Variants in AOPEP observed in about 807,000 individuals in gnomAD.
AOPEP encodes aminopeptidase O.
Under a neutral mutation model 98.1 loss-of-function variants are expected in AOPEP, and 77 were observed. The observed-to-expected ratio is 0.78, with a 90% confidence interval of 0.65 to 0.95. AOPEP has a LOEUF of 0.95. Ranked by LOEUF, AOPEP falls within the 40% of genes least tolerant of loss-of-function variation. The pLI is 0.00. For missense variants in AOPEP, 1,024 were observed against 1,024.7 expected, an observed-to-expected ratio of 1.00 and a Z score of 0.01; for synonymous variants, 346 against 365.3, an observed-to-expected ratio of 0.95 and a Z score of 0.60.
chr9:94,909,642 T>A (rs2051716365), intron 5 of AOPEP, among the ~76,000 whole-genome samples: 1 of 152,066 alleles, frequency 6.6e-6, no homozygotes, highest in South Asian at 2.1e-4. Flanking sequence ...GTGTGTGACG[T>A]CCATCTCAAA....
intron 16 of AOPEP, among the ~76,000 whole-genome samples, chr9:95,084,129 A>C (rs1005738355): frequency 1.3e-5 from 2 of 152,114 alleles, no homozygotes; most frequent in Non-Finnish European, 2.9e-5. Context: ...AACTTTATCA[A>C]ATCTGAAGCA....
At chr9:94,751,782 CA>C (rs1468805667) in intron 1 of AOPEP, among the ~76,000 whole-genome samples, 3 of 150,340 alleles carry the variant, frequency 2.0e-5, no homozygotes, top group Non-Finnish European at 3.0e-5. Context: ...ATTTTAGATC[CA>C]GGGGGTCCAT....
chr9:94,836,967 A>G (rs2041683743), intron 5 of AOPEP, among the ~76,000 whole-genome samples: 1 of 152,170 alleles, frequency 6.6e-6, no homozygotes, highest in Admixed American at 6.5e-5. Flanking sequence ...AAATGAAACA[A>G]AAGCTGGTTC....
chr9:94,992,540 T>C (rs1298587730), intron 11 of AOPEP, among the ~76,000 whole-genome samples: 3 of 152,230 alleles, frequency 2.0e-5, no homozygotes, highest in African/African-American at 7.2e-5. Context: ...TCCATGTTTT[T>C]TTCACAGAGT....
chr9:95,055,034 A>G (rs2066704544), intron 13 of AOPEP, among the ~76,000 whole-genome samples: 1 of 152,248 alleles, frequency 6.6e-6, no homozygotes, highest in Non-Finnish European at 1.5e-5. Context: ...GCTTCAACAT[A>G]TAAAGGTTTT....
At chr9:95,098,769 T>C in the AOPEP span, among the ~76,000 whole-genome samples, 4 of 152,216 alleles carry the variant, frequency 2.6e-5, no homozygotes, top group African/African-American at 9.6e-5. Context: ...CAAGTGAGGC[T>C]TATGGTCAAG....
chr9:94,883,667 A>C (rs2047855461), intron 5 of AOPEP, among the ~76,000 whole-genome samples: 1 of 152,250 alleles, frequency 6.6e-6, no homozygotes, highest in African/African-American at 2.4e-5. Flanking sequence ...AGTATAGATC[A>C]TGATGTATTA....
intron 13 of AOPEP, among the ~76,000 whole-genome samples, chr9:95,052,881 A>G (rs1473272438): frequency 1.3e-5 from 2 of 152,164 alleles, no homozygotes; most frequent in Non-Finnish European, 2.9e-5. Context: ...CTGTTTACAG[A>G]ATATTTGGAA....
intron 9 of AOPEP, among the ~76,000 whole-genome samples, chr9:94,958,312 T>C (rs1386334656): frequency 6.6e-6 from 1 of 152,266 alleles, no homozygotes; most frequent in African/African-American, 2.4e-5. Flanking sequence ...TGCATTTTTT[T>C]CATCTTTTGG....
intron 5 of AOPEP, among the ~76,000 whole-genome samples, chr9:94,819,807 A>G (rs1488946065): frequency 6.6e-6 from 1 of 151,928 alleles, no homozygotes; most frequent in Non-Finnish European, 1.5e-5. Context: ...TCTGAGGCTC[A>G]AGCAATCCTC....
At chr9:94,780,696 C>T (rs1843056333) in intron 3 of AOPEP, among the ~76,000 whole-genome samples, 1 of 152,208 alleles carries the variant, frequency 6.6e-6, no homozygotes, top group Non-Finnish European at 1.5e-5. Context: ...TATTTCCTTT[C>T]TAAGTCATGT....
chr9:94,936,725 T>C (rs1189947370), intron 7 of AOPEP, among the ~76,000 whole-genome samples: 1 of 152,182 alleles, frequency 6.6e-6, no homozygotes, highest in African/African-American at 2.4e-5. Context: ...AAGACTGCCT[T>C]CCACCTCCGA....
At chr9:95,105,676 G>C in the AOPEP span, among the ~76,000 whole-genome samples, 1 of 152,136 alleles carries the variant, frequency 6.6e-6, no homozygotes, top group African/African-American at 2.4e-5. Flanking sequence ...GGAAACTCTA[G>C]CACTTCCTCT....
chr9:94,753,901 T>C (rs1466150650), intron 1 of AOPEP, among the ~76,000 whole-genome samples: 1 of 152,240 alleles, frequency 6.6e-6, no homozygotes, highest in Non-Finnish European at 1.5e-5. Context: ...ATCTTTTTAC[T>C]TGCATGTGTG....
At chr9:94,943,016 G>A (rs2137532101) in intron 7 of AOPEP, among the ~76,000 whole-genome samples, 1 of 149,682 alleles carries the variant, frequency 6.7e-6, no homozygotes, top group Admixed American at 6.7e-5. Flanking sequence ...ACAACAAACA[G>A]AAAAAATGTA....
At position 95,077,532 on chromosome 9, in the gene AOPEP, C is replaced by T. The variant is rs566639336; in HGVS notation, c.2233-3162C>T. Among the ~76,000 whole-genome samples the T allele has an allele frequency of 7.2e-5, 11 of 152,304 alleles. No homozygotes were observed. In the East Asian group the frequency reaches 1.5e-3, roughly 21 times the overall value. On this transcript the variant is annotated intron_variant, in intron 14 of 16. Coordinates refer to ENST00000375315, the MANE Select transcript of AOPEP (RefSeq NM_001193329.3). The stretch of plus-strand genomic sequence containing the variant: ...TGACTGAGGAAATTACAGAAAGACA[C>T]GTTGACCACCCTCGTTAATAAATTA...
chr9:94,986,504 G>A (rs1015105413), intron 11 of AOPEP, among the ~76,000 whole-genome samples: 5 of 152,090 alleles, frequency 3.3e-5, no homozygotes, highest in East Asian at 1.9e-4. Context: ...ATTACTCAGC[G>A]CAACCTCACT....
the AOPEP span, among the ~76,000 whole-genome samples, chr9:95,131,018 T>C: frequency 6.6e-6 from 1 of 152,258 alleles, no homozygotes; most frequent in East Asian, 1.9e-4. Context: ...TTTAAAACAT[T>C]CAGGTTCCTT....
intron 5 of AOPEP, among the ~76,000 whole-genome samples, chr9:94,856,840 G>A (rs1001665524): frequency 1.3e-5 from 2 of 152,170 alleles, no homozygotes; most frequent in African/African-American, 4.8e-5. Flanking sequence ...CACACCTCTA[G>A]CATCTGAAAT....
Sources: gnomAD v4.1 joint callset for allele counts (sites outside exome capture counted in the v4.1 genomes callset) on GRCh38, gnomAD v4.1.1 for gene constraint, MANE v1.5 for transcripts, NCBI Gene and HGNC (gene_info 2026-07-23, HGNC 2026-07-21) for gene names.